KIAA0753: variants seen among roughly 807,000 people sequenced by gnomAD.
KIAA0753 encodes the protein protein moonraker.
In KIAA0753, 114 loss-of-function variants were observed where a neutral mutation model predicts 116.9. The observed-to-expected ratio is 0.98, with a 90% CI of 0.84 to 1.14. KIAA0753 has a LOEUF of 1.14. Ranked by LOEUF, KIAA0753 falls within the 50% of genes most tolerant of loss-of-function variation. The probability of loss-of-function intolerance (pLI) is 0.00; values close to 1 mark genes in which losing one functional copy is unlikely to be tolerated. For missense variants in KIAA0753, 1,156 were observed against 1,172.4 expected, an observed-to-expected ratio of 0.99 and a Z score of 0.20; for synonymous variants, 405 against 413.1, an observed-to-expected ratio of 0.98 and a Z score of 0.24.
At chr17:6,594,879 T>C (rs1969352959) in intron 16 of KIAA0753, 93 bp downstream of exon 16, 2 of 870,674 alleles carry the variant, frequency 2.3e-6, no homozygotes, top group African/African-American at 1.7e-5. Flanking sequence ...AAGGTGAGTA[T>C]AGCAGTGTTT....
At chr17:6,592,646 C>A (rs1237604359) in intron 16 of KIAA0753, among the ~76,000 whole-genome samples, 2 of 152,164 alleles carry the variant, frequency 1.3e-5, no homozygotes, top group Non-Finnish European at 1.5e-5. Flanking sequence ...ACCTCTACCT[C>A]AAATCACAGG....
intron 7 of KIAA0753, among the ~76,000 whole-genome samples, chr17:6,620,262 T>C (rs759569968): frequency 2.6e-5 from 4 of 152,146 alleles, no homozygotes; most frequent in Admixed American, 6.5e-5. Flanking sequence ...TTGGTGAAGA[T>C]GTGGGGAAAT....
At chr17:6,631,197 GA>G (rs1203626438) in intron 2 of KIAA0753, among the ~76,000 whole-genome samples, 23 of 152,212 alleles carry the variant, frequency 1.5e-4, no homozygotes, top group Admixed American at 6.5e-4. Context: ...GAACCAAACT[GA>G]ATCTCAGATA....
rs1443475983 is a variant in KIAA0753, at chr17:6,590,500, T to C, written c.2561+10A>G. 6.2e-7 allele frequency: 1 copy of C among 1,613,662 alleles called. No individual in the cohort carries two copies. On this transcript the variant is annotated intron_variant, in intron 17 of 18. Coordinates refer to ENST00000361413, the MANE Select transcript of KIAA0753 (RefSeq NM_014804.3). ...CTAGAATGAAATCAGAAAGTGTCTT[T>C]GCCACTTACTTGCCATTACAGGGCC...
At chr17:6,613,280 C>T (rs757122215) in intron 7 of KIAA0753, among the ~76,000 whole-genome samples, 2 of 151,912 alleles carry the variant, frequency 1.3e-5, no homozygotes, top group Non-Finnish European at 2.9e-5. Flanking sequence ...GTAAAGGACA[C>T]GAAAGAAAAT....
At chr17:6,624,060 T>C (rs1022328741) in intron 4 of KIAA0753, 1 of 152,554 alleles carries the variant, frequency 6.6e-6, no homozygotes, top group Admixed American at 6.5e-5. Flanking sequence ...GCATTTTCTT[T>C]TAAATGAAAA....
chr17:6,589,634 G>A (rs1273378317), intron 18 of KIAA0753, 145 bp downstream of exon 18: 1 of 580,628 alleles, frequency 1.7e-6, no homozygotes, highest in African/African-American at 1.9e-5. Flanking sequence ...TAGAGAGCCT[G>A]TCTCCTAGCC....
chr17:6,600,474 AT>A lies in KIAA0753; in HGVS notation c.2010-17del, dbSNP rs762013466. The A allele has an allele frequency of 2.3e-5, 37 of 1,594,478 alleles. No individual in the cohort carries two copies. The highest frequency in any genetic ancestry group is 3.2e-5 in the Non-Finnish European group (37 of 1,162,922). ...GGCAGAAACACTATTTAGAAATAAA[AT>A]TGAAAATTAAAATCAAAGGCAATAA... On this transcript the variant is annotated splice_polypyrimidine_tract_variant and intron_variant, in intron 12 of 18. Transcript: ENST00000361413.
chr17:6,624,035 C>G (rs1971500362), intron 4 of KIAA0753: 1 of 152,684 alleles, frequency 6.5e-6, no homozygotes, highest in African/African-American at 2.4e-5. Flanking sequence ...GAATACACTG[C>G]AAAACCTAAC....
At chr17:6,593,653 C>G (rs1006496083) in intron 16 of KIAA0753, among the ~76,000 whole-genome samples, 1 of 152,208 alleles carries the variant, frequency 6.6e-6, no homozygotes, top group Non-Finnish European at 1.5e-5. Flanking sequence ...TGTGGGAGGC[C>G]GAGGTGGGTG....
chr17:6,617,529 G>A (rs1274032555), intron 7 of KIAA0753, among the ~76,000 whole-genome samples: 1 of 152,142 alleles, frequency 6.6e-6, no homozygotes, highest in Non-Finnish European at 1.5e-5. Context: ...AAGCACTAGG[G>A]GTGCTAGGTT....
chr17:6,620,909 G>GCTACCGATAGGAAAT lies in KIAA0753; in HGVS notation c.1179_1193dup (p.Arg393_Gly397dup). 6.2e-7 allele frequency: 1 copy of GCTACCGATAGGAAAT among 1,614,098 alleles called. No homozygotes were observed. The highest frequency in any genetic ancestry group is 8.5e-7 in the Non-Finnish European group (1 of 1,179,998). The stretch of plus-strand genomic sequence containing the variant: ...TTGGCCATCTCTCCAAGGCCTTTTG[G>GCTACCGATAGGAAAT]CTACCGATAGGAAATCTGCTCCGAA... On this transcript the variant is annotated inframe_insertion, in exon 7 of 19. Transcript: ENST00000361413.
chr17:6,597,743 A>G (rs1187145732), intron 14 of KIAA0753, among the ~76,000 whole-genome samples: 2 of 152,238 alleles, frequency 1.3e-5, no homozygotes, highest in African/African-American at 2.4e-5. Flanking sequence ...AATCTTGCCT[A>G]TAAGTAAATC....
Position 6,628,264 on chromosome 17 carries a change from G to C in KIAA0753, c.571C>G (p.Pro191Ala). 1 of 1,614,134 alleles carries C rather than the reference G, an allele frequency of 6.2e-7. No individual in the cohort carries two copies. The highest frequency in any genetic ancestry group is 8.5e-7 in the Non-Finnish European group (1 of 1,180,028). The change falls in exon 3 of 19, where the codon CCA becomes GCA. Residue 191 changes from proline (P) to alanine (A), a missense_variant. Coordinates refer to ENST00000361413, the MANE Select transcript of KIAA0753 (RefSeq NM_014804.3). The stretch of plus-strand genomic sequence containing the variant: ...TGAAGTCCCGGATCATGGGTGGGTG[G>C]CGAATTTGGCACAGTAAGATCTGAC... The part of the protein sequence containing the change: ...GQSDLTVPNS[P>A]PTHDPGLQPH...
intron 16 of KIAA0753, among the ~76,000 whole-genome samples, chr17:6,594,277 A>AC (rs34010703): frequency 0.016 from 2,256 of 141,746 alleles, 29 homozygotes; most frequent in African/African-American, 0.028. Flanking sequence ...TCAGATTCTG[A>AC]CCCCCCCCCC....
intron 7 of KIAA0753, among the ~76,000 whole-genome samples, chr17:6,614,634 T>C (rs1437352102): frequency 1.3e-5 from 2 of 151,870 alleles, no homozygotes; most frequent in Non-Finnish European, 2.9e-5. Context: ...AGAATGACAA[T>C]AGTAACTTCT....
chr17:6,634,221 G>A (rs748260842), intron 2 of KIAA0753, among the ~76,000 whole-genome samples: 1 of 151,294 alleles, frequency 6.6e-6, no homozygotes, highest in Admixed American at 6.6e-5. Flanking sequence ...TCCTGCCCCA[G>A]CCTCCGAAGT....
At chr17:6,621,867 T>C (rs1597574375) in intron 6 of KIAA0753, among the ~76,000 whole-genome samples, 1 of 152,222 alleles carries the variant, frequency 6.6e-6, no homozygotes, top group African/African-American at 2.4e-5. Context: ...AGATGCTGCC[T>C]AAAATTCTGA....
chr17:6,599,693 T>C (rs1322185698), intron 13 of KIAA0753, among the ~76,000 whole-genome samples: 2 of 152,208 alleles, frequency 1.3e-5, no homozygotes, highest in East Asian at 3.8e-4. Context: ...AGAGTCTTCC[T>C]AGTTCTATGC....
Sources: gnomAD v4.1 joint callset for allele counts (sites outside exome capture counted in the v4.1 genomes callset) on GRCh38, gnomAD v4.1.1 for gene constraint, MANE v1.5 for transcripts, NCBI Gene and HGNC (gene_info 2026-07-23, HGNC 2026-07-21) for gene names.